Variants in PSD3 observed in about 807,000 individuals in gnomAD.
The protein encoded by PSD3 is pleckstrin and Sec7 domain containing 3.
In PSD3, 49 loss-of-function variants were observed where a neutral mutation model predicts 105.5. The observed-to-expected ratio is 0.46, with a 90% CI of 0.37 to 0.59. The LOEUF (loss-of-function observed/expected upper bound fraction) is 0.59. Among genes scored for constraint, PSD3 ranks in the 20% least tolerant of loss-of-function variants. The pLI, the probability that PSD3 is intolerant of heterozygous loss-of-function variation, is 0.00. For missense variants in PSD3, 1,561 were observed against 1,263.8 expected, an observed-to-expected ratio of 1.24 and a Z score of -3.57; for synonymous variants, 557 against 457.8, an observed-to-expected ratio of 1.22 and a Z score of -2.77.
chr8:18,991,435 C>T (rs1825801725), intron 1 of PSD3, among the ~76,000 whole-genome samples: 1 of 151,376 alleles, frequency 6.6e-6, no homozygotes, highest in African/African-American at 2.4e-5. Context: ...TCACAGTACA[C>T]CACTTCCCTG....
At chr8:18,588,801 T>C (rs1346844633) in intron 12 of PSD3, among the ~76,000 whole-genome samples, 1 of 152,186 alleles carries the variant, frequency 6.6e-6, no homozygotes, top group Non-Finnish European at 1.5e-5. Context: ...AATACATTTA[T>C]CTGAGGGAGA....
intron 1 of PSD3, 112 bp downstream of exon 1, chr8:19,013,451 A>T: frequency 1.4e-6 from 2 of 1,449,130 alleles, no homozygotes; most frequent in Non-Finnish European, 9.4e-7. Flanking sequence ...GCACAAACCC[A>T]GGTGGCCCCG....
chr8:18,975,054 G>A (rs1040904398), intron 1 of PSD3, among the ~76,000 whole-genome samples: 2 of 152,168 alleles, frequency 1.3e-5, no homozygotes, highest in African/African-American at 4.8e-5. Context: ...ACAAGAGGCT[G>A]GCAGAGGTTT....
In PSD3 at chr8:19,082,728, T is replaced by G. The variant is rs534001995; in HGVS notation, c.324+1478A>C. The stretch of plus-strand genomic sequence containing the variant: ...GGGAAAAGATGGGGTTTTCAAGTCA[T>G]CAGGCCAGCACTGAAGTACACAAAC... On this transcript the variant is annotated intron_variant, in intron 1 of 1. Coordinates refer to the PSD3 transcript ENST00000521475. 1.3e-4 allele frequency among the ~76,000 whole-genome samples: 20 copies of G among 152,270 alleles called. 1 individual carries two copies. The South Asian group carries it at 4.1e-3, about 32-fold the overall frequency.
chr8:18,543,526 G>C (rs1410253851), intron 15 of PSD3, among the ~76,000 whole-genome samples: 2 of 151,944 alleles, frequency 1.3e-5, no homozygotes, highest in Non-Finnish European at 2.9e-5. Context: ...GCTGAGGCAG[G>C]AGAATGGCCT....
At chr8:18,862,212 T>C (rs1030756502) in intron 4 of PSD3, among the ~76,000 whole-genome samples, 4 of 152,118 alleles carry the variant, frequency 2.6e-5, no homozygotes, top group African/African-American at 9.7e-5. Flanking sequence ...CTTTACGAGA[T>C]AGGTATTATT....
chr8:19,051,666 T>A (rs1362074084), intron 1 of PSD3, among the ~76,000 whole-genome samples: 1 of 152,214 alleles, frequency 6.6e-6, no homozygotes, highest in African/African-American at 2.4e-5. Flanking sequence ...GCAGAACGAT[T>A]TGTCATTGTG....
intron 9 of PSD3, among the ~76,000 whole-genome samples, chr8:18,749,232 G>A (rs957146764): frequency 2.0e-5 from 3 of 152,124 alleles, no homozygotes; most frequent in Admixed American, 6.6e-5. Flanking sequence ...TGGACCACAC[G>A]TTATCATCCT....
At chr8:19,046,671 G>C (rs1828330898) in intron 1 of PSD3, among the ~76,000 whole-genome samples, 1 of 152,162 alleles carries the variant, frequency 6.6e-6, no homozygotes, top group African/African-American at 2.4e-5. Flanking sequence ...TTTGTCTTCT[G>C]AGTTGATGCA....
At chr8:18,690,740 C>A (rs1800929029) in intron 9 of PSD3, among the ~76,000 whole-genome samples, 1 of 152,236 alleles carries the variant, frequency 6.6e-6, no homozygotes, top group Non-Finnish European at 1.5e-5. Context: ...GCCCACAGTG[C>A]CGGGCTACCT....
chr8:19,039,032 T>C (rs1239991535), intron 1 of PSD3, among the ~76,000 whole-genome samples: 1 of 152,184 alleles, frequency 6.6e-6, no homozygotes. Flanking sequence ...CTCATCTTCA[T>C]TATCTTAATC....
chr8:18,796,532 A>G (rs1810193293), intron 8 of PSD3, among the ~76,000 whole-genome samples: 1 of 152,222 alleles, frequency 6.6e-6, no homozygotes, highest in Admixed American at 6.5e-5. Context: ...ATATTAGTAT[A>G]CATTCCATTA....
intron 1 of PSD3, among the ~76,000 whole-genome samples, chr8:19,074,582 CAG>C (rs1563546374): frequency 5.9e-5 from 2 of 34,132 alleles, no homozygotes; most frequent in Non-Finnish European, 1.6e-4. Context: ...TTTTACAACT[CAG>C]ATATATACAT....
chr8:18,599,287 T>G (rs927266096), intron 12 of PSD3, among the ~76,000 whole-genome samples: 2 of 152,314 alleles, frequency 1.3e-5, no homozygotes, highest in East Asian at 3.9e-4. Flanking sequence ...GGAACCCTTA[T>G]GTACTGTTGT....
intron 11 of PSD3, among the ~76,000 whole-genome samples, chr8:18,629,290 T>C (rs12115053): frequency 0.024 from 3,680 of 152,066 alleles, 144 homozygotes; most frequent in African/African-American, 0.084. Flanking sequence ...ACTTTAGAAA[T>C]TTCTTAAAAA....
In PSD3 at chr8:18,777,369, C is replaced by T. The variant is rs565331861; in HGVS notation, c.2083-11831G>A. ...TTTGCCAATGTTTTAAAAAACCCAA[C>T]TTTTCATTTCTGTTGACCTTTTAAA... On this transcript the variant is annotated intron_variant, in intron 8 of 15. Coordinates refer to ENST00000327040, the MANE Select transcript of PSD3 (RefSeq NM_015310.4). Among the ~76,000 whole-genome samples, 7 of 152,310 alleles carry T rather than the reference C, an allele frequency of 4.6e-5. No individual in the cohort carries two copies. In the East Asian group the frequency reaches 1.3e-3, roughly 29 times the overall value.
At chr8:18,538,062 T>C (rs978233193) in intron 15 of PSD3, among the ~76,000 whole-genome samples, 18 of 152,264 alleles carry the variant, frequency 1.2e-4, no homozygotes, top group African/African-American at 4.1e-4. Context: ...TATGAGGAAA[T>C]AGGACAACAT....
At chr8:18,819,418 A>C (rs1440724972) in intron 4 of PSD3, among the ~76,000 whole-genome samples, 1 of 152,030 alleles carries the variant, frequency 6.6e-6, no homozygotes, top group Non-Finnish European at 1.5e-5. Flanking sequence ...TACTCAATAG[A>C]AACAAAAAAA....
intron 4 of PSD3, among the ~76,000 whole-genome samples, chr8:18,836,208 T>A (rs1814096437): frequency 6.6e-6 from 1 of 152,198 alleles, no homozygotes. Context: ...AACCCTGAAC[T>A]CACGTTTGAT....
Sources: allele counts gnomAD v4.1 joint callset (sites outside exome capture counted in the v4.1 genomes callset), GRCh38; gene constraint gnomAD v4.1.1; transcripts MANE v1.5; gene names NCBI Gene and HGNC (gene_info 2026-07-23, HGNC 2026-07-21).